The following ATP6V1C2 variants were observed in gnomAD, a reference collection of about 807,000 sequenced individuals.
ATP6V1C2 encodes the protein ATPase H+ transporting V1 subunit C2, also known as V-type proton ATPase subunit C 2.
Under a neutral mutation model 56.8 loss-of-function variants are expected in ATP6V1C2, and 45 were observed. The observed-to-expected ratio is 0.79, with a 90% confidence interval of 0.62 to 1.02. The LOEUF is 1.02. Among genes scored for constraint, ATP6V1C2 ranks in the 50% least tolerant of loss-of-function variants. The pLI, the probability that ATP6V1C2 is intolerant of heterozygous loss-of-function variation, is 0.00. For missense variants in ATP6V1C2, 463 were observed against 519.7 expected, an observed-to-expected ratio of 0.89 and a Z score of 1.06; for synonymous variants, 220 against 201.3, an observed-to-expected ratio of 1.09 and a Z score of -0.79.
At chr2:10,778,326 C>T (rs897614760) in intron 11 of ATP6V1C2, among the ~76,000 whole-genome samples, 12 of 152,236 alleles carry the variant, frequency 7.9e-5, no homozygotes, top group Non-Finnish European at 1.2e-4. Flanking sequence ...CAGCTCCCCG[C>T]GCTGCGGTCT....
intron 3 of ATP6V1C2, among the ~76,000 whole-genome samples, chr2:10,750,858 C>CT (rs1324697217): frequency 6.6e-6 from 1 of 152,274 alleles, no homozygotes; most frequent in Admixed American, 6.5e-5. Flanking sequence ...AGAGCAGGGA[C>CT]TTTGTTTTGT....
At position 10,784,899 on chromosome 2, in the gene ATP6V1C2, C is replaced by A. The variant is rs1665631903; in HGVS notation, c.*1636C>A. ...ACAGGCTCAAGAGAGTAAACCAGGA[C>A]TGCTGCCCGCACAGCTTCCCTCCCG... On this transcript the variant is annotated 3_prime_UTR_variant, in exon 14 of 14. Coordinates refer to ENST00000272238, the MANE Select transcript of ATP6V1C2 (RefSeq NM_001039362.2). The A allele has an allele frequency of 2.8e-6, 4 of 1,425,418 alleles. No homozygotes were observed. Among genetic ancestry groups the A allele is most frequent in the Non-Finnish European group, 3.9e-6 (4 of 1,029,548 alleles). 88.3% of individuals were successfully genotyped at this position (1,425,418 alleles called of 1,614,324 possible).
At chr2:10,747,540 C>T (rs1485155103) in intron 3 of ATP6V1C2, among the ~76,000 whole-genome samples, 4 of 152,068 alleles carry the variant, frequency 2.6e-5, no homozygotes, top group Non-Finnish European at 4.4e-5. Flanking sequence ...ACAGATTTCA[C>T]TTGGATATCA....
intron 3 of ATP6V1C2, among the ~76,000 whole-genome samples, chr2:10,730,756 G>A (rs1026970386): frequency 6.6e-6 from 1 of 151,026 alleles, no homozygotes; most frequent in Admixed American, 6.6e-5. Flanking sequence ...GGGTTAAAGC[G>A]ATTCTCCTGC....
intron 3 of ATP6V1C2, among the ~76,000 whole-genome samples, chr2:10,750,800 T>C (rs1295541911): frequency 6.6e-6 from 1 of 152,138 alleles, no homozygotes; most frequent in African/African-American, 2.4e-5. Context: ...CAGGTCGCTG[T>C]GAGGATAAAA....
At chr2:10,730,198 C>T (rs1221756494) in intron 3 of ATP6V1C2, among the ~76,000 whole-genome samples, 2 of 152,180 alleles carry the variant, frequency 1.3e-5, no homozygotes, top group Non-Finnish European at 2.9e-5. Flanking sequence ...TCACTGCAAC[C>T]TCTGATTCCT....
Position 10,774,816 on chromosome 2 carries a change from C to G in ATP6V1C2, c.667C>G (p.Leu223Val). The change falls in exon 9 of 14, where the codon CTT becomes GTT. Residue 223 changes from leucine (L) to valine (V), a missense_variant. Transcript: ENST00000272238. ...CATTACTGAGGACAAGGAAGGGGGCCTTTTCACTGTGACTCTGTTTCGAAA... is the reference window on the plus strand; with the variant it reads ...CATTACTGAGGACAAGGAAGGGGGCGTTTTCACTGTGACTCTGTTTCGAAA... ...KLITEDKEGGLFTVTLFRKVI... is the reference protein window; with the variant it reads ...KLITEDKEGGVFTVTLFRKVI... 1 of 1,614,178 alleles carries G rather than the reference C, an allele frequency of 6.2e-7. No individual in the cohort carries two copies.
Position 10,783,525 on chromosome 2 carries a change from G to T in ATP6V1C2, c.*262G>T. 1 of 351,816 alleles carries T rather than the reference G, an allele frequency of 2.8e-6. No individual in the cohort carries two copies. Among genetic ancestry groups the T allele is most frequent in the Non-Finnish European group, 5.3e-6 (1 of 189,322 alleles). 21.8% of individuals were successfully genotyped at this position (351,816 alleles called of 1,614,324 possible). A position where few individuals can be genotyped will look rare whatever the true frequency, so the allele number is the denominator to read the frequency against. On this transcript the variant is annotated 3_prime_UTR_variant, in exon 14 of 14. Transcript: ENST00000272238. ...AACTACCTGTTCGCATTGGTAACCTGCTGCTGTATTTCATGTCTTAACGGC... is the reference window on the plus strand; with the variant it reads ...AACTACCTGTTCGCATTGGTAACCTTCTGCTGTATTTCATGTCTTAACGGC...
intron 6 of ATP6V1C2, among the ~76,000 whole-genome samples, chr2:10,769,523 G>A (rs1664451296): frequency 6.6e-6 from 1 of 152,156 alleles, no homozygotes; most frequent in South Asian, 2.1e-4. Flanking sequence ...GGCCAACATG[G>A]TGAAACCCCG....
chr2:10,751,386 C>G (rs1663204661), intron 3 of ATP6V1C2, among the ~76,000 whole-genome samples: 1 of 152,098 alleles, frequency 6.6e-6, no homozygotes, highest in Non-Finnish European at 1.5e-5. Context: ...CATGAAGAAT[C>G]CTGTGAGATA....
intron 4 of ATP6V1C2, among the ~76,000 whole-genome samples, chr2:10,756,597 A>C (rs1663564503): frequency 6.6e-6 from 1 of 151,898 alleles, no homozygotes; most frequent in Non-Finnish European, 1.5e-5. Flanking sequence ...TGGCGCTTGT[A>C]ATCCCAGCTT....
intron 3 of ATP6V1C2, among the ~76,000 whole-genome samples, chr2:10,753,419 T>A (rs1663331467): frequency 6.6e-6 from 1 of 152,228 alleles, no homozygotes; most frequent in Non-Finnish European, 1.5e-5. Flanking sequence ...AGTTCTTTAC[T>A]GTCAGCAGCG....
chr2:10,749,449 C>T (rs971112664), intron 3 of ATP6V1C2, among the ~76,000 whole-genome samples: 2 of 152,090 alleles, frequency 1.3e-5, no homozygotes, highest in African/African-American at 4.8e-5. Flanking sequence ...AAAAGATGTC[C>T]AGCCTCACTG....
At chr2:10,742,858 G>C (rs145200275) in intron 3 of ATP6V1C2, among the ~76,000 whole-genome samples, 218 of 152,252 alleles carry the variant, frequency 1.4e-3, no homozygotes, top group South Asian at 5.0e-3. Flanking sequence ...GAAGCTCCTG[G>C]GCGGCCCCTT....
At chr2:10,751,862 C>G (rs1663235106) in intron 3 of ATP6V1C2, among the ~76,000 whole-genome samples, 1 of 152,144 alleles carries the variant, frequency 6.6e-6, no homozygotes, top group Admixed American at 6.6e-5. Context: ...AATCTCAGCA[C>G]TTTGGGAGGC....
At chr2:10,753,576 C>G (rs971357142) in intron 3 of ATP6V1C2, among the ~76,000 whole-genome samples, 2 of 150,842 alleles carry the variant, frequency 1.3e-5, no homozygotes, top group East Asian at 1.9e-4. Context: ...CTGTCACCCA[C>G]GCTGGAGTGC....
intron 3 of ATP6V1C2, among the ~76,000 whole-genome samples, chr2:10,747,552 C>T (rs1329019252): frequency 3.3e-5 from 5 of 152,106 alleles, no homozygotes; most frequent in Non-Finnish European, 4.4e-5. Context: ...TGGATATCAC[C>T]GCTTGTCTCA....
chr2:10,774,544 C>A (rs1280703806), intron 8 of ATP6V1C2, among the ~76,000 whole-genome samples: 2 of 152,208 alleles, frequency 1.3e-5, no homozygotes, highest in Admixed American at 1.3e-4. Flanking sequence ...GAGCTAAAGC[C>A]CAGGCCCCTA....
intron 3 of ATP6V1C2, among the ~76,000 whole-genome samples, chr2:10,752,291 T>G (rs1663264106): frequency 6.6e-6 from 1 of 152,176 alleles, no homozygotes; most frequent in South Asian, 2.1e-4. Context: ...TTCCTTTGCT[T>G]TTATCAGGGT....
Sources: gnomAD v4.1 joint callset for allele counts (sites outside exome capture counted in the v4.1 genomes callset) on GRCh38, gnomAD v4.1.1 for gene constraint, MANE v1.5 for transcripts, NCBI Gene and HGNC (gene_info 2026-07-23, HGNC 2026-07-21) for gene names.